LRRC4C: variants seen among roughly 807,000 people sequenced by gnomAD.
LRRC4C encodes the protein leucine-rich repeat-containing protein 4C.
In LRRC4C, 5 loss-of-function variants were observed where a neutral mutation model predicts 33.6. The observed-to-expected ratio is 0.15, with a 90% CI of 0.08 to 0.31. The LOEUF is 0.31. Ranked by LOEUF, LRRC4C falls within the 10% of genes least tolerant of loss-of-function variation. The pLI, the probability that LRRC4C is intolerant of heterozygous loss-of-function variation, is 1.00. For synonymous variants in LRRC4C, 329 were observed against 302.0 expected (o/e 1.09, Z -0.93); for missense variants, 560 against 796.7 (o/e 0.70, Z 3.58).
chr11:40,589,339 C>A (rs999542939), intron 3 of LRRC4C, among the ~76,000 whole-genome samples: 11 of 152,116 alleles, frequency 7.2e-5, no homozygotes, highest in Admixed American at 7.2e-4. Context: ...GGTAGATCTT[C>A]CTCCATCCTT....
At chr11:41,408,382 C>T (rs1375612549) in intron 1 of LRRC4C, among the ~76,000 whole-genome samples, 2 of 152,124 alleles carry the variant, frequency 1.3e-5, no homozygotes, top group Admixed American at 6.6e-5. Context: ...TAGAATTCAT[C>T]CATTGATTCA....
intron 3 of LRRC4C, among the ~76,000 whole-genome samples, chr11:40,627,293 A>AGAC (rs1963046052): frequency 8.5e-6 from 1 of 118,146 alleles, no homozygotes; most frequent in African/African-American, 3.2e-5. Context: ...GAGAGAGAGA[A>AGAC]TAAAAGTCAG....
chr11:40,667,981 G>A (rs1463362294), intron 2 of LRRC4C, among the ~76,000 whole-genome samples: 1 of 152,166 alleles, frequency 6.6e-6, no homozygotes, highest in Non-Finnish European at 1.5e-5. Flanking sequence ...AAAACTTTGG[G>A]TTATCAGTGG....
chr11:40,763,292 T>C (rs1057044682), intron 2 of LRRC4C, among the ~76,000 whole-genome samples: 2 of 152,004 alleles, frequency 1.3e-5, no homozygotes, highest in African/African-American at 4.8e-5. Context: ...TCCTAGACTG[T>C]GCTGAACAAA....
intron 1 of LRRC4C, among the ~76,000 whole-genome samples, chr11:41,203,087 A>G (rs1473377190): frequency 6.6e-6 from 1 of 152,166 alleles, no homozygotes; most frequent in African/African-American, 2.4e-5. Flanking sequence ...TGCCCGGTCA[A>G]AAACTGATTT....
chr11:41,082,283 C>A (rs1480074244), intron 1 of LRRC4C, among the ~76,000 whole-genome samples: 1 of 152,142 alleles, frequency 6.6e-6, no homozygotes, highest in East Asian at 1.9e-4. Flanking sequence ...TGTTCTCCTG[C>A]TGGACTTGTA....
intron 2 of LRRC4C, among the ~76,000 whole-genome samples, chr11:40,872,584 T>C (rs1415343682): frequency 6.6e-6 from 1 of 152,106 alleles, no homozygotes; most frequent in Non-Finnish European, 1.5e-5. Flanking sequence ...TATTTTGCTG[T>C]TTACCTATAT....
chr11:41,136,228 T>C (rs1053275505), intron 1 of LRRC4C, among the ~76,000 whole-genome samples: 1 of 152,148 alleles, frequency 6.6e-6, no homozygotes, highest in Non-Finnish European at 1.5e-5. Flanking sequence ...GTTTTCTGGC[T>C]TCTGTGGCAA....
intron 1 of LRRC4C, among the ~76,000 whole-genome samples, chr11:41,367,111 C>A (rs1011731123): frequency 2.0e-5 from 3 of 152,078 alleles, no homozygotes; most frequent in Non-Finnish European, 4.4e-5. Flanking sequence ...AGGGAAGGTG[C>A]CTTTATAGGG....
At chr11:40,157,435 T>C (rs1858794708) in intron 5 of LRRC4C, among the ~76,000 whole-genome samples, 1 of 152,164 alleles carries the variant, frequency 6.6e-6, no homozygotes, top group South Asian at 2.1e-4. Flanking sequence ...AAAGAGCTTT[T>C]GTACAGCAAA....
intron 1 of LRRC4C, among the ~76,000 whole-genome samples, chr11:41,046,534 T>C (rs1346927407): frequency 6.6e-6 from 1 of 152,134 alleles, no homozygotes; most frequent in Non-Finnish European, 1.5e-5. Context: ...TTATAATGAT[T>C]GGGGATAGAA....
At chr11:41,017,829 A>G (rs1304612511) in intron 1 of LRRC4C, among the ~76,000 whole-genome samples, 2 of 150,982 alleles carry the variant, frequency 1.3e-5, no homozygotes, top group Non-Finnish European at 3.0e-5. Flanking sequence ...GGCAAAATAC[A>G]CAGAGGATAT....
At chr11:40,603,018 A>G (rs1960186218) in intron 3 of LRRC4C, among the ~76,000 whole-genome samples, 1 of 152,190 alleles carries the variant, frequency 6.6e-6, no homozygotes. Flanking sequence ...AGGTAATCAG[A>G]GTATCTCTTT....
intron 1 of LRRC4C, among the ~76,000 whole-genome samples, chr11:41,237,869 A>G (rs2136518150): frequency 6.6e-6 from 1 of 152,314 alleles, no homozygotes; most frequent in African/African-American, 2.4e-5. Flanking sequence ...AAGCTGCTAA[A>G]AAGCTTCCCA....
Position 40,122,822 on chromosome 11 carries a change from A to C in LRRC4C, c.-42-6488T>G, listed in dbSNP as rs142971076. Among the ~76,000 whole-genome samples the C allele has an allele frequency of 9.7e-4, 139 of 143,686 alleles. 1 individual carries two copies. The East Asian group carries it at 0.02, about 21-fold the overall frequency. 94.3% of individuals were successfully genotyped at this position (143,686 alleles called of 152,430 possible). A position where few individuals can be genotyped will look rare whatever the true frequency, so the allele number is the denominator to read the frequency against. ...ACATCCTACTCCCTTACTCTTTTCT[A>C]AGAAAATTTTATATAAAACATTTAC... On this transcript the variant is annotated intron_variant, in intron 6 of 6. Transcript: ENST00000528697.
chr11:41,220,475 C>G (rs1397924809), intron 1 of LRRC4C, among the ~76,000 whole-genome samples: 1 of 103,390 alleles, frequency 9.7e-6, no homozygotes, highest in Non-Finnish European at 1.9e-5. Context: ...TGGATAATCT[C>G]TAGAAAACAG....
intron 3 of LRRC4C, among the ~76,000 whole-genome samples, chr11:40,458,126 T>G (rs1041372761): frequency 6.6e-6 from 1 of 152,150 alleles, no homozygotes; most frequent in Non-Finnish European, 1.5e-5. Flanking sequence ...TTCACTGGAA[T>G]GGACAAGATA....
At chr11:40,830,888 C>T (rs190190465) in intron 2 of LRRC4C, among the ~76,000 whole-genome samples, 7 of 152,150 alleles carry the variant, frequency 4.6e-5, no homozygotes, top group South Asian at 4.1e-4. Context: ...TATCATGGTT[C>T]GTGTTAACTT....
intron 5 of LRRC4C, among the ~76,000 whole-genome samples, chr11:40,195,000 A>T (rs1862146622): frequency 6.6e-6 from 1 of 151,854 alleles, no homozygotes; most frequent in African/African-American, 2.4e-5. Flanking sequence ...CTGAGGTAGG[A>T]GAATTGCGTG....
Sources: allele counts gnomAD v4.1 joint callset (sites outside exome capture counted in the v4.1 genomes callset), GRCh38; gene constraint gnomAD v4.1.1; transcripts MANE v1.5; gene names NCBI Gene and HGNC (gene_info 2026-07-23, HGNC 2026-07-21).